The following AFG2A variants were observed in gnomAD, a reference collection of about 807,000 sequenced individuals.
The protein encoded by AFG2A is ATPase family gene 2 protein homolog A.
At chr4:122,988,969 CT>C in the AFG2A span, among the ~76,000 whole-genome samples, 12 of 151,996 alleles carry the variant, frequency 7.9e-5, no homozygotes, top group Non-Finnish European at 1.5e-4. Flanking sequence ...CTGTTTGGTT[CT>C]TTTTTATACT....
the AFG2A span, among the ~76,000 whole-genome samples, chr4:123,062,348 A>T: frequency 3.3e-5 from 5 of 152,190 alleles, no homozygotes; most frequent in Non-Finnish European, 5.9e-5. Context: ...CATATGGCCT[A>T]TTGCTAGATA....
At chr4:123,123,373 A>G in the AFG2A span, among the ~76,000 whole-genome samples, 2 of 152,226 alleles carry the variant, frequency 1.3e-5, no homozygotes, top group African/African-American at 4.8e-5. Context: ...TTAGACATGT[A>G]GTCAGTGTAG....
the AFG2A span, among the ~76,000 whole-genome samples, chr4:123,078,689 G>T: frequency 1.3e-5 from 2 of 152,132 alleles, no homozygotes; most frequent in East Asian, 3.8e-4. Context: ...CTAGAATGGA[G>T]ATGGCTACCA....
At chr4:122,980,617 G>C in the AFG2A span, among the ~76,000 whole-genome samples, 2 of 152,122 alleles carry the variant, frequency 1.3e-5, no homozygotes, top group Non-Finnish European at 2.9e-5. Flanking sequence ...CCCACCAACA[G>C]TGTACAAGGG....
chr4:123,118,098 G>T, the AFG2A span, among the ~76,000 whole-genome samples: 2 of 150,658 alleles, frequency 1.3e-5, no homozygotes, highest in African/African-American at 4.9e-5. Flanking sequence ...TGTTAAGATG[G>T]TATTTTGAAT....
chr4:123,299,116 A>AGTGTGTGTGTGTGT, the AFG2A span, among the ~76,000 whole-genome samples: 1 of 72,130 alleles, frequency 1.4e-5, no homozygotes, highest in Non-Finnish European at 2.8e-5. Context: ...TGCATCTGCC[A>AGTGTGTGTGTGTGT]ATGTGTGTGT....
At chr4:123,050,399 G>A in the AFG2A span, among the ~76,000 whole-genome samples, 4 of 152,092 alleles carry the variant, frequency 2.6e-5, no homozygotes, top group East Asian at 1.9e-4. Context: ...GGGGCATTGC[G>A]GTCCCCTGCA....
At chr4:123,014,075 G>A in the AFG2A span, among the ~76,000 whole-genome samples, 4 of 152,230 alleles carry the variant, frequency 2.6e-5, no homozygotes, top group African/African-American at 9.6e-5. Context: ...CTTAGCTCCT[G>A]GGCTTAGGGG....
the AFG2A span, among the ~76,000 whole-genome samples, chr4:123,058,350 C>T: frequency 7.9e-5 from 12 of 152,230 alleles, no homozygotes; most frequent in African/African-American, 1.9e-4. Flanking sequence ...TCGGGCTGGG[C>T]GCCGTGGCTC....
At chr4:123,112,184 C>T in the AFG2A span, among the ~76,000 whole-genome samples, 1 of 152,154 alleles carries the variant, frequency 6.6e-6, no homozygotes, top group Non-Finnish European at 1.5e-5. Flanking sequence ...GTGGAAACTA[C>T]TCTTCCTTGA....
chr4:123,187,997 CAA>C, the AFG2A span, among the ~76,000 whole-genome samples: 639 of 133,708 alleles, frequency 4.8e-3, 2 homozygotes, highest in Middle Eastern at 0.021. Context: ...GGCCCTATCT[CAA>C]AAAAAAAAAA....
chr4:123,290,854 G>A, the AFG2A span, among the ~76,000 whole-genome samples: 7 of 152,154 alleles, frequency 4.6e-5, no homozygotes, highest in Non-Finnish European at 1.0e-4. Flanking sequence ...TTTGGGTGGG[G>A]ACACAGCCTC....
chr4:123,227,783 G>A, the AFG2A span, among the ~76,000 whole-genome samples: 17,145 of 152,000 alleles, frequency 0.11, 3,233 homozygotes, highest in African/African-American at 0.39. Context: ...TTTCTGTCTC[G>A]TTGATCTGTC....
At chr4:123,076,068 C>G in the AFG2A span, among the ~76,000 whole-genome samples, 1 of 151,778 alleles carries the variant, frequency 6.6e-6, no homozygotes, top group South Asian at 2.1e-4. Flanking sequence ...CACAGGAGTT[C>G]CAGACCAGCC....
chr4:122,933,627 G>T, the AFG2A span: 2 of 676,864 alleles, frequency 3.0e-6, no homozygotes, highest in Non-Finnish European at 4.9e-6. Flanking sequence ...TCCCCTCAAT[G>T]AATGAATATA....
the AFG2A span, among the ~76,000 whole-genome samples, chr4:123,017,414 A>ATTTTTTTTTTTTTTTT: frequency 9.4e-5 from 7 of 74,724 alleles, no homozygotes; most frequent in African/African-American, 2.1e-4. Flanking sequence ...AGCATGGGAA[A>ATTTTTTTTTTTTTTTT]TTTTTTTTTT....
chr4:123,050,739 C>CTTTTTTTTTTTTT, the AFG2A span, among the ~76,000 whole-genome samples: 847 of 140,012 alleles, frequency 6.0e-3, 13 homozygotes, highest in African/African-American at 0.021. Flanking sequence ...ATAGTTGTGT[C>CTTTTTTTTTTTTT]TTTTTTTTTT....
the AFG2A span, among the ~76,000 whole-genome samples, chr4:123,113,282 T>G: frequency 6.6e-6 from 1 of 152,212 alleles, no homozygotes; most frequent in East Asian, 1.9e-4. Context: ...CTTGCTTTAC[T>G]GTTTATTTTC....
chr4:123,096,781 G>T, the AFG2A span, among the ~76,000 whole-genome samples: 1 of 152,068 alleles, frequency 6.6e-6, no homozygotes, highest in Admixed American at 6.6e-5. Context: ...AATTGTGAAA[G>T]ATATGTAGAA....
Sources: allele counts gnomAD v4.1 joint callset (sites outside exome capture counted in the v4.1 genomes callset), GRCh38; gene constraint gnomAD v4.1.1; transcripts MANE v1.5; gene names NCBI Gene and HGNC (gene_info 2026-07-23, HGNC 2026-07-21).